Variants in AKT3 observed in about 807,000 individuals in gnomAD.
The protein encoded by AKT3 is RAC-gamma serine/threonine-protein kinase.
A neutral mutation model predicts 65.3 loss-of-function variants in AKT3; 15 were observed. The ratio of observed to expected loss-of-function variants is 0.23; its 90% CI spans 0.15 to 0.35. The LOEUF (loss-of-function observed/expected upper bound fraction) is 0.35, where lower values mean the gene tolerates loss of function less well. Among genes scored for constraint, AKT3 ranks in the 10% least tolerant of loss-of-function variants. The probability of loss-of-function intolerance (pLI) is 1.00; values close to 1 mark genes in which losing one functional copy is unlikely to be tolerated. For synonymous variants in AKT3, 206 were observed against 183.8 expected (o/e 1.12, Z -0.98); for missense variants, 243 against 576.5 (o/e 0.42, Z 5.92).
chr1:243,806,755 T>G (rs1433749453), intron 2 of AKT3, among the ~76,000 whole-genome samples: 1 of 152,144 alleles, frequency 6.6e-6, no homozygotes, highest in African/African-American at 2.4e-5. Context: ...ATTAAATCAG[T>G]TTTTCAAAAT....
chr1:243,587,920 A>T (rs953687272), intron 8 of AKT3, among the ~76,000 whole-genome samples: 3 of 152,180 alleles, frequency 2.0e-5, no homozygotes, highest in African/African-American at 7.2e-5. Context: ...CTAAAACAGA[A>T]GATGAAAACT....
chr1:243,585,863 T>C lies in AKT3; in HGVS notation c.697-12815A>G, dbSNP rs145175920. Among the ~76,000 whole-genome samples the C allele has an allele frequency of 5.1e-3, 776 of 152,220 alleles. 5 individuals are homozygous for C. Among genetic ancestry groups the C allele is most frequent in the Non-Finnish European group, 8.6e-3 (583 of 67,998 alleles). ...TATATGACTAAGTCCTCGATAGCAATTGAACAAAACCAAAAATCGACAAGT... is the reference window on the plus strand; with the variant it reads ...TATATGACTAAGTCCTCGATAGCAACTGAACAAAACCAAAAATCGACAAGT... On this transcript the variant is annotated intron_variant, in intron 8 of 13. Transcript: ENST00000673466.
chr1:243,614,147 T>C (rs1170020964), intron 7 of AKT3, among the ~76,000 whole-genome samples: 1 of 152,178 alleles, frequency 6.6e-6, no homozygotes, highest in African/African-American at 2.4e-5. Flanking sequence ...TCTAATACAA[T>C]GACAACATCA....
chr1:243,773,385 TG>T (rs1334976602), intron 2 of AKT3, among the ~76,000 whole-genome samples: 5 of 152,076 alleles, frequency 3.3e-5, no homozygotes, highest in Admixed American at 6.5e-5. Context: ...CTTTGAAATC[TG>T]AAATCCTGAT....
At chr1:243,769,651 T>C (rs1690053624) in intron 2 of AKT3, among the ~76,000 whole-genome samples, 1 of 152,190 alleles carries the variant, frequency 6.6e-6, no homozygotes, top group Non-Finnish European at 1.5e-5. Context: ...CTTTTCATTG[T>C]TGAGATATAA....
chr1:243,849,517 A>G (rs969026098), intron 1 of AKT3, among the ~76,000 whole-genome samples: 8 of 149,002 alleles, frequency 5.4e-5, no homozygotes, highest in Non-Finnish European at 1.2e-4. Context: ...AGACAGCCTC[A>G]GCGCCAGGGC....
chr1:243,560,002 C>G (rs1045414415), intron 10 of AKT3, among the ~76,000 whole-genome samples: 2 of 152,100 alleles, frequency 1.3e-5, no homozygotes, highest in African/African-American at 4.8e-5. Flanking sequence ...ATCACAGTAT[C>G]GCCTTGCTCT....
At chr1:243,678,071 G>C (rs774213486) in intron 3 of AKT3, among the ~76,000 whole-genome samples, 12 of 152,090 alleles carry the variant, frequency 7.9e-5, no homozygotes, top group African/African-American at 1.4e-4. Flanking sequence ...CTGGGCAACA[G>C]AGCAAGACTC....
At chr1:243,652,360 A>G (rs1681416490) in intron 4 of AKT3, among the ~76,000 whole-genome samples, 1 of 152,080 alleles carries the variant, frequency 6.6e-6, no homozygotes, top group Non-Finnish European at 1.5e-5. Context: ...AGAATTTCAT[A>G]TCCAGCCAAA....
chr1:243,614,548 G>A (rs1239871602), intron 7 of AKT3, among the ~76,000 whole-genome samples: 1 of 152,032 alleles, frequency 6.6e-6, no homozygotes, highest in East Asian at 1.9e-4. Context: ...TTTATACTTT[G>A]TCTAGTGAAA....
At chr1:243,697,920 C>T (rs374270167) in intron 2 of AKT3, among the ~76,000 whole-genome samples, 14 of 151,258 alleles carry the variant, frequency 9.3e-5, no homozygotes, top group Middle Eastern at 3.4e-3. Flanking sequence ...ATAGAGGATA[C>T]GTAGATCAGT....
chr1:243,536,791 G>A (rs77334816), intron 12 of AKT3, among the ~76,000 whole-genome samples: 2 of 152,108 alleles, frequency 1.3e-5, no homozygotes, highest in African/African-American at 2.4e-5. Flanking sequence ...GACACTAATT[G>A]TAAGGCTTAG....
chr1:243,496,011 G>GA (rs1280293762), downstream of AKT3, among the ~76,000 whole-genome samples: 1 of 152,144 alleles, frequency 6.6e-6, no homozygotes, highest in Non-Finnish European at 1.5e-5. Flanking sequence ...CAGAGAAAAA[G>GA]AAAGAACCAG....
chr1:243,664,948 G>C (rs1682663737), intron 3 of AKT3, 65 bp from the exon 4 acceptor site: 1 of 898,832 alleles, frequency 1.1e-6, no homozygotes, highest in Non-Finnish European at 1.6e-6. Context: ...AAATAATTGA[G>C]AACTACAGAG....
chr1:243,792,745 C>T (rs1572357020), intron 2 of AKT3, among the ~76,000 whole-genome samples: 2 of 152,180 alleles, frequency 1.3e-5, no homozygotes, highest in African/African-American at 2.4e-5. Flanking sequence ...GGAAGAAAAG[C>T]AATGGCCATT....
At chr1:243,741,681 T>C (rs1688162586) in intron 2 of AKT3, 1 of 152,200 alleles carries the variant, frequency 6.6e-6, no homozygotes. Context: ...ACATCTCACA[T>C]TTCCAAATTT....
intron 1 of AKT3, among the ~76,000 whole-genome samples, chr1:243,845,748 T>C (rs976371717): frequency 1.3e-5 from 2 of 152,000 alleles, no homozygotes. Context: ...TGATATATGG[T>C]CCATTAAATA....
chr1:243,774,479 A>G (rs1157595106), intron 2 of AKT3, among the ~76,000 whole-genome samples: 3 of 152,178 alleles, frequency 2.0e-5, no homozygotes, highest in Non-Finnish European at 2.9e-5. Flanking sequence ...CTGTCTCTCT[A>G]TAATTGTTTG....
intron 2 of AKT3, among the ~76,000 whole-genome samples, chr1:243,736,937 A>G (rs530277110): frequency 3.3e-5 from 5 of 152,280 alleles, no homozygotes; most frequent in African/African-American, 4.8e-5. Context: ...CACAAATAAC[A>G]TATGTAAATT....
Sources: gnomAD v4.1 joint callset for allele counts (sites outside exome capture counted in the v4.1 genomes callset) on GRCh38, gnomAD v4.1.1 for gene constraint, MANE v1.5 for transcripts, NCBI Gene and HGNC (gene_info 2026-07-23, HGNC 2026-07-21) for gene names.